GSE1: variants seen among roughly 807,000 people sequenced by gnomAD.
GSE1 encodes genetic suppressor element 1.
In GSE1, 32 loss-of-function variants were observed where a neutral mutation model predicts 112.6. That is an observed-to-expected ratio of 0.28 (90% CI 0.21 to 0.38). GSE1 has a LOEUF of 0.38. Ranked by LOEUF, GSE1 falls within the 10% of genes least tolerant of loss-of-function variation. The pLI is 1.00. For missense variants in GSE1, 2,348 were observed against 1,699.2 expected (o/e 1.38, Z -6.71); for synonymous variants, 1,115 against 735.6 (o/e 1.52, Z -8.35).
At chr16:85,387,036 G>A (rs916819096) in intron 2 of GSE1, among the ~76,000 whole-genome samples, 1 of 152,186 alleles carries the variant, frequency 6.6e-6, no homozygotes, top group African/African-American at 2.4e-5. Context: ...CAATTTGAAC[G>A]TGAGGTTCTC....
At chr16:85,433,052 C>G (rs1009069989) in intron 2 of GSE1, among the ~76,000 whole-genome samples, 53 of 151,942 alleles carry the variant, frequency 3.5e-4, no homozygotes, top group Admixed American at 3.4e-3. Flanking sequence ...TAAGTCCCCC[C>G]CAGAGACTTC....
intron 2 of GSE1, among the ~76,000 whole-genome samples, chr16:85,634,879 C>T (rs537215896): frequency 3.9e-5 from 6 of 152,216 alleles, no homozygotes; most frequent in South Asian, 2.1e-4. Flanking sequence ...GGGCAGTGGG[C>T]GGCTGGAGCT....
Position 85,478,908 on chromosome 16 carries a change from TTTCTTTCTTTCTTTC to T in GSE1, c.2464+121268_2464+121282del, listed in dbSNP as rs2050570722. ...CTTTCTTTCTTTCTTTCTTTCTTTC[TTTCTTTCTTTCTTTC>T]TTTCTCTTTCTTTCTTTCTTTCTTT... On this transcript the variant is annotated intron_variant, in intron 2 of 2. Transcript: ENST00000637419. Among the ~76,000 whole-genome samples the T allele has an allele frequency of 1.3e-4, 7 of 52,332 alleles. 1 individual carries two copies. Among genetic ancestry groups the T allele is most frequent in the Non-Finnish European group, 2.6e-4 (7 of 26,600 alleles). The allele number at this position is 52,332 out of a possible 152,430, so 34.3% of individuals were successfully genotyped here. A position where few individuals can be genotyped will look rare whatever the true frequency, so the allele number is the denominator to read the frequency against.
chr16:85,294,622 TCTCTCTC>T (rs2151446884), intron 1 of GSE1, among the ~76,000 whole-genome samples: 1 of 39,950 alleles, frequency 2.5e-5, no homozygotes, highest in East Asian at 5.7e-4. Flanking sequence ...TCTCACTCTC[TCTCTCTC>T]TCTCTCTCTC....
At chr16:85,398,283 C>T (rs948999756) in intron 2 of GSE1, among the ~76,000 whole-genome samples, 1 of 152,102 alleles carries the variant, frequency 6.6e-6, no homozygotes, top group Admixed American at 6.5e-5. Context: ...GTTAACATGT[C>T]GTGATTTGCA....
At chr16:85,312,272 A>G (rs1311575999) in intron 1 of GSE1, among the ~76,000 whole-genome samples, 7 of 146,486 alleles carry the variant, frequency 4.8e-5, no homozygotes, top group African/African-American at 1.8e-4. Context: ...CTGATGTGAC[A>G]GTGTGCCACA....
At chr16:85,236,044 C>A (rs1904624474) in intron 1 of GSE1, among the ~76,000 whole-genome samples, 1 of 151,958 alleles carries the variant, frequency 6.6e-6, no homozygotes, top group Admixed American at 6.5e-5. Context: ...GGGGCTGGGG[C>A]TGGGGCTGGT....
intron 2 of GSE1, among the ~76,000 whole-genome samples, chr16:85,483,608 C>G (rs1216012284): frequency 1.3e-5 from 2 of 152,262 alleles, no homozygotes; most frequent in Non-Finnish European, 2.9e-5. Context: ...CTTGGTAGGC[C>G]CTGTGGGATC....
At chr16:85,316,471 C>A (rs1374723911) in intron 1 of GSE1, among the ~76,000 whole-genome samples, 1 of 152,226 alleles carries the variant, frequency 6.6e-6, no homozygotes, top group Non-Finnish European at 1.5e-5. Context: ...CTCCCAGCCA[C>A]TGGTCCGGGT....
chr16:85,384,884 G>A (rs1416007285), intron 2 of GSE1, among the ~76,000 whole-genome samples: 2 of 152,322 alleles, frequency 1.3e-5, no homozygotes, highest in African/African-American at 2.4e-5. Flanking sequence ...TCTGCACCCT[G>A]GGGGCCCTCA....
At chr16:85,176,364 G>T (rs2074464722) in intron 1 of GSE1, among the ~76,000 whole-genome samples, 3 of 152,240 alleles carry the variant, frequency 2.0e-5, no homozygotes, top group Admixed American at 2.0e-4. Flanking sequence ...CATCTCAGGG[G>T]CAGGAGTTAG....
At chr16:85,424,570 C>T (rs572274690) in intron 2 of GSE1, among the ~76,000 whole-genome samples, 17 of 152,378 alleles carry the variant, frequency 1.1e-4, no homozygotes, top group African/African-American at 3.8e-4. Context: ...CGCCTGCAGC[C>T]TCCGCCCTCT....
Position 85,672,418 on chromosome 16 carries a change from A to G in GSE1, c.3533A>G (p.Gln1178Arg). The G allele has an allele frequency of 6.2e-7, 1 of 1,612,180 alleles. No individual in the cohort carries two copies. Among genetic ancestry groups the G allele is most frequent in the Non-Finnish European group, 8.5e-7 (1 of 1,178,582 alleles). ...CCCTCTCTCCAGGAGTTGAGGAGCCAGAAACAGAAGATGGTCTCAGAAAGG... is the reference window on the plus strand; with the variant it reads ...CCCTCTCTCCAGGAGTTGAGGAGCCGGAAACAGAAGATGGTCTCAGAAAGG... ...LSHSVAELRS[Q>R]KQKMVSERER... is the part of the protein sequence containing the mutation. Residue 1178 changes from glutamine to arginine, a missense_variant, in exon 16 of 16, where the codon CAG becomes CGG. Coordinates refer to ENST00000253458, the MANE Select transcript of GSE1 (RefSeq NM_014615.5).
At chr16:85,390,570 C>T (rs754865898) in intron 2 of GSE1, among the ~76,000 whole-genome samples, 9 of 152,162 alleles carry the variant, frequency 5.9e-5, no homozygotes, top group Non-Finnish European at 1.0e-4. Context: ...TTTATGTCTG[C>T]TCATATTTCA....
At position 85,347,973 on chromosome 16, in the gene GSE1, G is replaced by A. The variant is rs189133555; in HGVS notation, c.2284-9490G>A. On this transcript the variant is annotated intron_variant, in intron 1 of 2. Transcript: ENST00000637419. ...TGACAAGCTTTTCTTTGCGGCAGGC[G>A]GGGTGGGGTCCCCTTCTTTCTTCTA... Among the ~76,000 whole-genome samples, 12 of 152,296 alleles carry A rather than the reference G, an allele frequency of 7.9e-5. No homozygotes were observed. The East Asian group carries it at 1.5e-3, about 20-fold the overall frequency.
intron 1 of GSE1, among the ~76,000 whole-genome samples, chr16:85,209,748 A>G (rs894338921): frequency 1.3e-5 from 2 of 152,286 alleles, no homozygotes; most frequent in Non-Finnish European, 2.9e-5. Context: ...AGGCCGCCTG[A>G]CGTTGCCTGC....
chr16:85,596,734 C>G (rs922589862), intron 1 of GSE1, among the ~76,000 whole-genome samples: 2 of 152,164 alleles, frequency 1.3e-5, no homozygotes, highest in Non-Finnish European at 2.9e-5. Context: ...GGACAACGTT[C>G]TCTTCATCAT....
At chr16:85,617,182 C>T (rs1207443651) in intron 1 of GSE1, among the ~76,000 whole-genome samples, 2 of 152,216 alleles carry the variant, frequency 1.3e-5, no homozygotes, top group Admixed American at 6.5e-5. Flanking sequence ...AACCTGATGC[C>T]TCCCTCGCAT....
At chr16:85,180,358 A>G (rs1270615834) in intron 1 of GSE1, among the ~76,000 whole-genome samples, 1 of 152,176 alleles carries the variant, frequency 6.6e-6, no homozygotes, top group Non-Finnish European at 1.5e-5. Context: ...GCGGCCCCTC[A>G]AAGGTCACCC....
Sources: allele counts gnomAD v4.1 joint callset (sites outside exome capture counted in the v4.1 genomes callset), GRCh38; gene constraint gnomAD v4.1.1; transcripts MANE v1.5; gene names NCBI Gene and HGNC (gene_info 2026-07-23, HGNC 2026-07-21).